The following KITLG variants were observed in gnomAD, a reference collection of about 807,000 sequenced individuals.
The protein encoded by KITLG is c-Kit ligand.
KITLG carries 13 observed loss-of-function variants against 34.1 expected under a neutral mutation model. The ratio of observed to expected loss-of-function variants is 0.38; its 90% confidence interval spans 0.25 to 0.61. The LOEUF (loss-of-function observed/expected upper bound fraction) is 0.61. KITLG is among the 20% of genes least tolerant of loss of function. The probability of loss-of-function intolerance (pLI) is 0.60; values close to 1 mark genes in which losing one functional copy is unlikely to be tolerated. For synonymous variants in KITLG, 110 were observed against 104.0 expected (o/e 1.06, Z -0.35); for missense variants, 292 against 318.9 (o/e 0.92, Z 0.64).
At chr12:88,531,897 A>G (rs1208820632) in intron 3 of KITLG, among the ~76,000 whole-genome samples, 3 of 152,162 alleles carry the variant, frequency 2.0e-5, no homozygotes, top group African/African-American at 7.2e-5. Context: ...GAGCATAACA[A>G]TGATTTATGT....
chr12:88,558,467 C>T (rs1871175835), intron 1 of KITLG, among the ~76,000 whole-genome samples: 3 of 152,180 alleles, frequency 2.0e-5, no homozygotes, highest in Admixed American at 6.5e-5. Context: ...TGATCGTTTT[C>T]TCTGTCACAT....
rs146238350 is a variant in KITLG at position 88,553,970 on chromosome 12, T to C, written c.16-8105A>G. 2.9e-3 allele frequency among the ~76,000 whole-genome samples: 447 copies of C among 152,292 alleles called. 4 individuals carry two copies. The highest frequency in any genetic ancestry group is 0.01 in the African/African-American group (421 of 41,558). ...CTCAAAGGCAAAGGTCTTGCTTAAT[T>C]TTCATTTTTGTTGAGAACAAACATC... is the stretch of plus-strand genomic sequence containing the variant. On this transcript the variant is annotated intron_variant, in intron 1 of 9. Coordinates refer to ENST00000644744, the MANE Select transcript of KITLG (RefSeq NM_000899.5).
intron 6 of KITLG, among the ~76,000 whole-genome samples, chr12:88,514,978 C>T (rs1869406367): frequency 6.6e-6 from 1 of 151,608 alleles, no homozygotes; most frequent in South Asian, 2.1e-4. Context: ...CAAAAGAGGA[C>T]AGAAATTTCA....
chr12:88,548,665 A>G (rs1351614865), intron 1 of KITLG, among the ~76,000 whole-genome samples: 3 of 152,128 alleles, frequency 2.0e-5, no homozygotes, highest in Admixed American at 2.0e-4. Flanking sequence ...TTCATTTTCT[A>G]GAGCAGCTAC....
At chr12:88,503,668 AC>A (rs1237729787) in intron 9 of KITLG, among the ~76,000 whole-genome samples, 5 of 152,134 alleles carry the variant, frequency 3.3e-5, no homozygotes, top group Non-Finnish European at 5.9e-5. Context: ...AGCAGACGGG[AC>A]AGGAGATAAT....
chr12:88,512,774 C>T (rs1869324014), intron 6 of KITLG, among the ~76,000 whole-genome samples: 1 of 151,218 alleles, frequency 6.6e-6, no homozygotes, highest in Admixed American at 6.6e-5. Flanking sequence ...ATCCTGTGTA[C>T]CCAGACTTCA....
chr12:88,543,939 T>C (rs906139608), intron 2 of KITLG, among the ~76,000 whole-genome samples: 1 of 152,172 alleles, frequency 6.6e-6, no homozygotes, highest in Non-Finnish European at 1.5e-5. Context: ...TAACATTTTC[T>C]GTATGATCCT....
chr12:88,575,380 GA>G lies in KITLG; in HGVS notation c.15+4883del, dbSNP rs528539129. ...AGATGACACACATTATGATTTTAAA[GA>G]AAGAACCATGAGCCCCAACTATGAG... On this transcript the variant is annotated intron_variant, in intron 1 of 9. Coordinates refer to ENST00000644744, the MANE Select transcript of KITLG (RefSeq NM_000899.5). 2.5e-4 allele frequency among the ~76,000 whole-genome samples: 38 copies of G among 152,186 alleles called. No homozygotes were observed. In the South Asian group the frequency reaches 7.7e-3, roughly 31 times the overall value.
At chr12:88,520,533 T>C (rs141642987) in intron 3 of KITLG, among the ~76,000 whole-genome samples, 47 of 152,270 alleles carry the variant, frequency 3.1e-4, no homozygotes, top group African/African-American at 9.4e-4. Flanking sequence ...ATTAATCTCT[T>C]AGGACTCTAT....
intron 8 of KITLG, among the ~76,000 whole-genome samples, 156 bp downstream of exon 8, chr12:88,506,155 G>A (rs1256747544): frequency 1.3e-5 from 2 of 152,154 alleles, no homozygotes; most frequent in Non-Finnish European, 2.9e-5. Context: ...ACTGAAGAGA[G>A]AGTGAGACAT....
chr12:88,566,735 CT>C (rs1254091726), intron 1 of KITLG, among the ~76,000 whole-genome samples: 1 of 152,148 alleles, frequency 6.6e-6, no homozygotes, highest in Non-Finnish European at 1.5e-5. Flanking sequence ...AGGGTTTGGA[CT>C]TTATCCTGAG....
intron 9 of KITLG, among the ~76,000 whole-genome samples, chr12:88,504,900 CAT>C (rs1868995642): frequency 6.9e-6 from 1 of 144,428 alleles, no homozygotes; most frequent in Non-Finnish European, 1.5e-5. Flanking sequence ...TGTTCTCACT[CAT>C]AGGTGGGAAT....
chr12:88,580,088 C>T, intron 1 of KITLG, 176 bp downstream of exon 1: 1 of 684,424 alleles, frequency 1.5e-6, no homozygotes, highest in Non-Finnish European at 2.6e-6. Context: ...CCCTGGCTCA[C>T]CCGGCTCGGC....
intron 3 of KITLG, among the ~76,000 whole-genome samples, chr12:88,530,353 C>T (rs544218160): frequency 1.3e-5 from 2 of 152,228 alleles, no homozygotes; most frequent in South Asian, 4.1e-4. Context: ...TACTTTTGCG[C>T]TGTAAAGCTC....
chr12:88,518,363 T>C (rs996551548), intron 4 of KITLG, among the ~76,000 whole-genome samples: 4 of 152,204 alleles, frequency 2.6e-5, no homozygotes, highest in African/African-American at 9.6e-5. Flanking sequence ...CAGACAATTT[T>C]CCATTTAAAT....
intron 6 of KITLG, among the ~76,000 whole-genome samples, chr12:88,512,155 T>C (rs1267308783): frequency 6.6e-6 from 1 of 152,124 alleles, no homozygotes; most frequent in Non-Finnish European, 1.5e-5. Flanking sequence ...AAAAGAATTT[T>C]TTTTCATAAT....
At position 88,545,696 on chromosome 12, in the gene KITLG, AG is replaced by A. The variant is rs1051121810; in HGVS notation, c.129+55del. ...ATCTAAATCTTTTATCAACAAGCAC[AG>A]GAAAAAGAGCCACAGCTCTTTTTTA... On this transcript the variant is annotated intron_variant, in intron 2 of 9. Coordinates refer to ENST00000644744, the MANE Select transcript of KITLG (RefSeq NM_000899.5). The A allele has an allele frequency of 4.1e-6, 4 of 983,046 alleles. No individual in the cohort carries two copies. In the African/African-American group the frequency reaches 4.9e-5, roughly 12 times the overall value. The allele number at this position is 983,046 out of a possible 1,614,324, so 60.9% of individuals were successfully genotyped here.
intron 2 of KITLG, among the ~76,000 whole-genome samples, chr12:88,533,128 T>C (rs1416921862): frequency 6.6e-6 from 1 of 152,228 alleles, no homozygotes; most frequent in East Asian, 1.9e-4. Context: ...AGATTCATTT[T>C]GTGATGTAAC....
At chr12:88,531,346 AATG>A (rs1870083141) in intron 3 of KITLG, among the ~76,000 whole-genome samples, 1 of 152,194 alleles carries the variant, frequency 6.6e-6, no homozygotes, top group South Asian at 2.1e-4. Flanking sequence ...ACTGGGGATT[AATG>A]AAGACAGAGA....
Sources: gnomAD v4.1 joint callset for allele counts (sites outside exome capture counted in the v4.1 genomes callset) on GRCh38, gnomAD v4.1.1 for gene constraint, MANE v1.5 for transcripts, NCBI Gene and HGNC (gene_info 2026-07-23, HGNC 2026-07-21) for gene names.